EP400: variants seen among roughly 807,000 people sequenced by gnomAD.
EP400 encodes E1A binding protein p400, also known as E1A-binding protein p400.
Under a neutral mutation model 354.1 loss-of-function variants are expected in EP400, and 105 were observed. That is an observed-to-expected ratio of 0.30 (90% CI 0.25 to 0.35). The LOEUF is 0.35. Ranked by LOEUF, EP400 falls within the 10% of genes least tolerant of loss-of-function variation. The pLI, the probability that EP400 is intolerant of heterozygous loss-of-function variation, is 1.00. For missense variants in EP400, 3,280 were observed against 4,121.0 expected (o/e 0.80, Z 5.59); for synonymous variants, 1,646 against 1,716.9 (o/e 0.96, Z 1.02).
At chr12:131,986,866 T>G (rs1892871342) in intron 6 of EP400, 59 bp downstream of exon 6, 1 of 1,531,022 alleles carries the variant, frequency 6.5e-7, no homozygotes, top group African/African-American at 1.4e-5. Flanking sequence ...CATTTAGTTT[T>G]AATTGTCAAG....
chr12:131,994,834 C>T lies in EP400; in HGVS notation c.2738-33C>T, dbSNP rs1566177897. 7 of 1,588,618 alleles carry T rather than the reference C, an allele frequency of 4.4e-6. No individual in the cohort carries two copies. The highest frequency in any genetic ancestry group is 1.1e-5 in the South Asian group (1 of 90,204). On this transcript the variant is annotated intron_variant, in intron 11 of 52. Coordinates refer to ENST00000389561, the MANE Select transcript of EP400 (RefSeq NM_015409.5). The surrounding 1 kb of genome is among the most constrained non-coding windows in gnomAD (Gnocchi z 4.6). ...AGTAACAGACACTCAAGTGGTGTTG[C>T]CTCTCAGTGACACTTGCTGATAACC...
chr12:131,979,919 C>G (rs1892621369), intron 3 of EP400, 126 bp downstream of exon 3: 2 of 711,930 alleles, frequency 2.8e-6, no homozygotes, highest in Non-Finnish European at 4.5e-6. Flanking sequence ...GAAAATTAAC[C>G]TGTCTTACAG....
chr12:132,006,091 T>C, intron 13 of EP400, 21 bp from the exon 14 acceptor site: 1 of 1,598,938 alleles, frequency 6.3e-7, no homozygotes. Flanking sequence ...CCCTCACTTC[T>C]CTGTTTTATT....
chr12:132,016,872 C>T (rs907668876), intron 19 of EP400, among the ~76,000 whole-genome samples: 1 of 152,198 alleles, frequency 6.6e-6, no homozygotes, highest in African/African-American at 2.4e-5. Context: ...CCATTGCTCT[C>T]TCCTCCCTCC....
rs11246912 is a variant in EP400 at position 132,067,495 on chromosome 12, G to A, written c.8874+9G>A. 0.12 allele frequency: 197,428 copies of A among 1,610,658 alleles called. 17,047 individuals carry two copies. Among genetic ancestry groups the A allele is most frequent in the East Asian group, 0.53 (23,977 of 44,840 alleles). ...CAGCCGTCCAGCAGAAGGTACCGGG[G>A]CTAGGGGATTCTCACTTCTGGGTCT... On this transcript the variant is annotated intron_variant, in intron 50 of 52. Coordinates refer to ENST00000389561, the MANE Select transcript of EP400 (RefSeq NM_015409.5). This position sits in a 1 kb window ranked among gnomAD's most constrained non-coding sequence, Gnocchi z 5.3.
At chr12:132,020,741 G>A (rs1565918407) in intron 22 of EP400, among the ~76,000 whole-genome samples, 1 of 152,238 alleles carries the variant, frequency 6.6e-6, no homozygotes, top group Non-Finnish European at 1.5e-5. Context: ...ATAGAAATAT[G>A]AGTGGAAGCT....
chr12:131,954,269 C>T (rs192176864), intron 1 of EP400, among the ~76,000 whole-genome samples: 17 of 150,888 alleles, frequency 1.1e-4, no homozygotes, highest in Admixed American at 5.9e-4. Context: ...TGTGTGTCAG[C>T]GTCTCTGTAG....
intron 23 of EP400, among the ~76,000 whole-genome samples, chr12:132,022,673 T>A (rs991577759): frequency 6.6e-6 from 1 of 152,120 alleles, no homozygotes; most frequent in Non-Finnish European, 1.5e-5. Context: ...TTTTTTTTTT[T>A]AAACAGTAAA....
chr12:132,017,481 T>G lies in EP400; in HGVS notation c.3924-54T>G. 1.3e-6 allele frequency: 2 copies of G among 1,583,950 alleles called. No individual in the cohort carries two copies. Among genetic ancestry groups the G allele is most frequent in the South Asian group, 2.3e-5 (2 of 88,444 alleles). ...GGACAGTCGATGGTGAGGGTGGGAC[T>G]ATGTCCATGTGCCGTTTGGATTGAA... On this transcript the variant is annotated intron_variant, in intron 19 of 52. Transcript: ENST00000389561. The surrounding 1 kb of genome is among the most constrained non-coding windows in gnomAD (Gnocchi z 5.0).
intron 1 of EP400, among the ~76,000 whole-genome samples, chr12:131,954,461 G>T (rs937546651): frequency 6.6e-6 from 1 of 151,564 alleles, no homozygotes; most frequent in African/African-American, 2.4e-5. Flanking sequence ...GCAGTGGCTC[G>T]TGCCTGTAAT....
chr12:132,043,538 A>G, intron 33 of EP400, 76 bp downstream of exon 33: 1 of 1,580,796 alleles, frequency 6.3e-7, no homozygotes, highest in Non-Finnish European at 8.6e-7. Flanking sequence ...TGTTTACTGC[A>G]AGAAAAATCA....
chr12:132,041,241 A>G (rs764681696), intron 32 of EP400, among the ~76,000 whole-genome samples: 2 of 152,244 alleles, frequency 1.3e-5, no homozygotes, highest in Admixed American at 1.3e-4. Flanking sequence ...TGTGCCTGCA[A>G]AATGGTTTTA....
At chr12:132,041,956 CTTTT>C (rs60120894) in intron 32 of EP400, among the ~76,000 whole-genome samples, 1 of 132,940 alleles carries the variant, frequency 7.5e-6, no homozygotes. Flanking sequence ...TTTTCTTTTT[CTTTT>C]TTTTTTTTTT....
At chr12:131,987,568 TG>T in intron 6 of EP400, 136 bp from the exon 7 acceptor site, 1 of 682,656 alleles carries the variant, frequency 1.5e-6, no homozygotes, top group Non-Finnish European at 2.3e-6. Flanking sequence ...GATATTAAAC[TG>T]GGACCTTGTG....
At position 132,077,865 on chromosome 12, in the gene EP400, G is replaced by A. The variant is rs1458087683; in HGVS notation, c.*192G>A. On this transcript the variant is annotated 3_prime_UTR_variant, in exon 53 of 53. Transcript: ENST00000389561. ...GGACAAATGGTCCTTATGGAGTGCC[G>A]CGTTCTCTGTACTACGTGGCTCATG... 16 of 766,096 alleles carry A rather than the reference G, an allele frequency of 2.1e-5. 1 individual carries two copies. The highest frequency in any genetic ancestry group is 1.2e-4 in the South Asian group (6 of 51,594). 47.5% of individuals were successfully genotyped at this position (766,096 alleles called of 1,614,324 possible). A position where few individuals can be genotyped will look rare whatever the true frequency, so the allele number is the denominator to read the frequency against.
chr12:131,990,218 T>TCAG lies in EP400; in HGVS notation c.2550+117_2550+119dup. Reference sequence around the variant, plus strand: ...CTTAGGAAGCTTTCGAGCACCAGAGTCAGCAACGTGTGCACTCTCCTGGGC... The same window carrying TCAG: ...CTTAGGAAGCTTTCGAGCACCAGAGTCAGCAGCAACGTGTGCACTCTCCTGGGC... On this transcript the variant is annotated intron_variant, in intron 8 of 52. Transcript: ENST00000389561. This position sits in a 1 kb window ranked among gnomAD's most constrained non-coding sequence, Gnocchi z 4.2. 1 of 1,271,672 alleles carries TCAG rather than the reference T, an allele frequency of 7.9e-7. No individual in the cohort carries two copies. The highest frequency in any genetic ancestry group is 1.1e-6 in the Non-Finnish European group (1 of 923,028). The allele number at this position is 1,271,672 out of a possible 1,614,324, so 78.8% of individuals were successfully genotyped here.
chr12:131,990,706 C>T lies in EP400; in HGVS notation c.2621C>T (p.Ser874Phe). 1 of 1,611,252 alleles carries T rather than the reference C, an allele frequency of 6.2e-7. No individual in the cohort carries two copies. The highest frequency in any genetic ancestry group is 8.5e-7 in the Non-Finnish European group (1 of 1,178,386). Residue 874 changes from serine (S) to phenylalanine (F), a missense_variant, in exon 9 of 53, where the codon TCC becomes TTC. Around this residue, in one of 20 missense-constraint regions of EP400, gnomAD observed 800 missense variants for 840.0 expected, o/e 0.95. Transcript: ENST00000389561. This position sits in a 1 kb window ranked among gnomAD's most constrained non-coding sequence, Gnocchi z 4.2. ...AAGGCCTTAAATTTACAGAAAGTTT[C>T]CAGGAGAGGTAGGACCCTTTAAAAA... ...RKKALNLQKV[S>F]RRGKELRPKG...
intron 2 of EP400, chr12:131,963,534 A>T (rs1262398026): frequency 7.5e-6 from 12 of 1,595,114 alleles, no homozygotes; most frequent in Non-Finnish European, 1.0e-5. Flanking sequence ...CCTCTCAGGT[A>T]AAGGTTGTGA....
chr12:132,030,264 G>A lies in EP400; in HGVS notation c.5754+106G>A. 11 of 1,318,080 alleles carry A rather than the reference G, an allele frequency of 8.3e-6. 1 individual carries two copies. The South Asian group carries it at 1.4e-4, about 17-fold the overall frequency. The allele number at this position is 1,318,080 out of a possible 1,614,324, so 81.6% of individuals were successfully genotyped here. A position where few individuals can be genotyped will look rare whatever the true frequency, so the allele number is the denominator to read the frequency against. On this transcript the variant is annotated intron_variant, in intron 29 of 52. Coordinates refer to ENST00000389561, the MANE Select transcript of EP400 (RefSeq NM_015409.5). ...TCTCATGGCCCTTCTAAGTGAAAGG[G>A]GAGGGACTTAATGAGCTTCTGAACT...
Sources: allele counts gnomAD v4.1 joint callset (sites outside exome capture counted in the v4.1 genomes callset), GRCh38; gene constraint gnomAD v4.1.1; regional missense constraint gnomAD v4.1.1; non-coding constraint Gnocchi (gnomAD v3.1); transcripts MANE v1.5; gene names NCBI Gene and HGNC (gene_info 2026-07-23, HGNC 2026-07-21).